FHIT: variants seen among roughly 807,000 people sequenced by gnomAD.
FHIT encodes the protein fragile histidine triad diadenosine triphosphatase, also known as bis(5'-adenosyl)-triphosphatase.
FHIT carries 19 observed loss-of-function variants against 17.9 expected under a neutral mutation model. That is an observed-to-expected ratio of 1.06 (90% CI 0.74 to 1.56). The LOEUF is 1.56. FHIT is among the 40% of genes most tolerant of loss of function. FHIT has a pLI of 0.00. For synonymous variants in FHIT, 81 were observed against 69.7 expected (o/e 1.16, Z -0.81); for missense variants, 248 against 189.2 (o/e 1.31, Z -1.82).
intron 5 of FHIT, among the ~76,000 whole-genome samples, chr3:60,023,513 T>C (rs531050727): frequency 6.6e-6 from 1 of 152,324 alleles, no homozygotes; most frequent in South Asian, 2.1e-4. Context: ...GGTTTGCTTA[T>C]GTCATTTAAG....
At chr3:60,000,367 C>T (rs1033751326) in intron 7 of FHIT, among the ~76,000 whole-genome samples, 5 of 152,208 alleles carry the variant, frequency 3.3e-5, no homozygotes, top group African/African-American at 1.2e-4. Flanking sequence ...TACGGCCATG[C>T]TTATTTGTGA....
At chr3:59,980,096 C>T (rs890653531) in intron 7 of FHIT, among the ~76,000 whole-genome samples, 1 of 152,172 alleles carries the variant, frequency 6.6e-6, no homozygotes, top group Non-Finnish European at 1.5e-5. Flanking sequence ...ACCACTTAAG[C>T]TTACATTGCT....
intron 5 of FHIT, among the ~76,000 whole-genome samples, chr3:60,330,570 G>T (rs549687881): frequency 1.3e-5 from 2 of 152,252 alleles, no homozygotes; most frequent in Non-Finnish European, 2.9e-5. Context: ...ATGATTTCAG[G>T]CATCCAGATT....
intron 4 of FHIT, among the ~76,000 whole-genome samples, chr3:60,584,736 G>A (rs552910790): frequency 6.6e-6 from 1 of 152,096 alleles, no homozygotes; most frequent in African/African-American, 2.4e-5. Flanking sequence ...TGATCCAAGA[G>A]GTGCCATTTT....
intron 5 of FHIT, among the ~76,000 whole-genome samples, chr3:60,142,549 A>T (rs904351619): frequency 6.6e-6 from 1 of 152,162 alleles, no homozygotes; most frequent in African/African-American, 2.4e-5. Flanking sequence ...TCCAGGCTGC[A>T]GTGCAGCAGC....
At chr3:61,247,147 G>A (rs77577393) in intron 1 of FHIT, among the ~76,000 whole-genome samples, 3 of 152,130 alleles carry the variant, frequency 2.0e-5, no homozygotes, top group Admixed American at 2.0e-4. Context: ...AGAGCTAGGA[G>A]CAAGATAAAT....
chr3:60,646,520 T>A (rs1356670367), intron 4 of FHIT, among the ~76,000 whole-genome samples: 1 of 152,158 alleles, frequency 6.6e-6, no homozygotes, highest in African/African-American at 2.4e-5. Context: ...TTCATACAAG[T>A]TTTTTATCCA....
At chr3:59,901,669 T>C (rs1241694317) in intron 8 of FHIT, among the ~76,000 whole-genome samples, 1 of 152,206 alleles carries the variant, frequency 6.6e-6, no homozygotes, top group Non-Finnish European at 1.5e-5. Context: ...AGAATCTTCT[T>C]ACACTATTGG....
intron 8 of FHIT, among the ~76,000 whole-genome samples, chr3:59,809,597 CA>C (rs1173846185): frequency 2.0e-5 from 3 of 152,086 alleles, no homozygotes; most frequent in Admixed American, 2.0e-4. Flanking sequence ...TTAGTTCTCA[CA>C]AAAAAATCTC....
chr3:60,637,090 A>T (rs1164694519), intron 4 of FHIT, among the ~76,000 whole-genome samples: 7 of 152,070 alleles, frequency 4.6e-5, no homozygotes, highest in Admixed American at 3.3e-4. Flanking sequence ...CAACCCTCTG[A>T]GTCACTGCAA....
chr3:60,139,893 G>C (rs112018344), intron 5 of FHIT, among the ~76,000 whole-genome samples: 196 of 151,484 alleles, frequency 1.3e-3, no homozygotes, highest in African/African-American at 4.4e-3. Flanking sequence ...GGAGGCCAAG[G>C]TGGGTGGATC....
At chr3:61,041,483 A>G (rs2033512212) in intron 3 of FHIT, among the ~76,000 whole-genome samples, 1 of 151,968 alleles carries the variant, frequency 6.6e-6, no homozygotes, top group African/African-American at 2.4e-5. Context: ...TTTATCTATC[A>G]ATTAGCAACA....
chr3:60,583,989 GT>G (rs1476965572), intron 4 of FHIT, among the ~76,000 whole-genome samples: 1 of 152,072 alleles, frequency 6.6e-6, no homozygotes, highest in Non-Finnish European at 1.5e-5. Flanking sequence ...GATCCAGAAG[GT>G]CACAGAGGGC....
intron 4 of FHIT, among the ~76,000 whole-genome samples, chr3:60,728,527 G>C (rs1559675359): frequency 6.6e-6 from 1 of 151,724 alleles, no homozygotes; most frequent in Non-Finnish European, 1.5e-5. Context: ...TACCCTCTTT[G>C]CTCTTCCCAT....
chr3:61,234,051 G>A (rs2040169585), intron 1 of FHIT, among the ~76,000 whole-genome samples: 2 of 152,176 alleles, frequency 1.3e-5, no homozygotes, highest in African/African-American at 4.8e-5. Flanking sequence ...GCCAGTACAG[G>A]CAACCCAGCA....
chr3:60,698,314 G>T lies in FHIT; in HGVS notation c.-18+123605C>A, dbSNP rs62251536. ...ACCACTCCATAAGAATGCAGATTTGGCTTCTAGAACATAAAAGAGGCGTTT... is the reference window on the plus strand; with the variant it reads ...ACCACTCCATAAGAATGCAGATTTGTCTTCTAGAACATAAAAGAGGCGTTT... On this transcript the variant is annotated intron_variant, in intron 4 of 9. Coordinates refer to ENST00000492590, the MANE Select transcript of FHIT (RefSeq NM_002012.4). 8.2e-3 allele frequency among the ~76,000 whole-genome samples: 1,250 copies of T among 152,090 alleles called. 7 individuals carry two copies. Among genetic ancestry groups the T allele is most frequent in the Non-Finnish European group, 0.014 (938 of 67,978 alleles).
intron 7 of FHIT, among the ~76,000 whole-genome samples, chr3:59,960,857 G>T (rs543443176): frequency 8.5e-5 from 13 of 152,222 alleles, no homozygotes; most frequent in Admixed American, 7.8e-4. Flanking sequence ...GTAGAATGAG[G>T]AGAGAGGACC....
intron 1 of FHIT, among the ~76,000 whole-genome samples, chr3:61,216,911 G>A (rs577745613): frequency 7.9e-4 from 119 of 150,358 alleles, no homozygotes; most frequent in African/African-American, 2.7e-3. Flanking sequence ...ACCAAACACC[G>A]CATGTTCTCA....
chr3:61,018,820 C>A (rs933028001), intron 3 of FHIT, among the ~76,000 whole-genome samples: 4 of 152,088 alleles, frequency 2.6e-5, no homozygotes, highest in Non-Finnish European at 5.9e-5. Flanking sequence ...GGGATAGATA[C>A]ACATTCTCAC....
Sources: gnomAD v4.1 joint callset for allele counts (sites outside exome capture counted in the v4.1 genomes callset) on GRCh38, gnomAD v4.1.1 for gene constraint, MANE v1.5 for transcripts, NCBI Gene and HGNC (gene_info 2026-07-23, HGNC 2026-07-21) for gene names.